The following DUSP18 variants were observed in gnomAD, a reference collection of about 807,000 sequenced individuals.
DUSP18 encodes the protein dual specificity phosphatase 18, also known as dual specificity protein phosphatase 18.
In DUSP18, 4 loss-of-function variants were observed where a neutral mutation model predicts 6.3. That is an observed-to-expected ratio of 0.63 (90% CI 0.31 to 1.45). The LOEUF is 1.45. Among genes scored for constraint, DUSP18 ranks in the 40% most tolerant of loss-of-function variants. The pLI, the probability that DUSP18 is intolerant of heterozygous loss-of-function variation, is 0.07. For missense variants in DUSP18, 235 were observed against 247.7 expected (o/e 0.95, Z 0.34); for synonymous variants, 96 against 95.1 (o/e 1.01, Z -0.05).
At chr22:30,654,735 G>A in intron 2 of DUSP18, 5 of 286,152 alleles carry the variant, frequency 1.7e-5, no homozygotes, top group South Asian at 1.7e-4. Context: ...CCACCTTCCG[G>A]CCTGCTTAGC....
downstream of DUSP18, among the ~76,000 whole-genome samples, chr22:30,657,928 A>G (rs1217295325): frequency 6.8e-6 from 1 of 146,248 alleles, no homozygotes; most frequent in African/African-American, 2.5e-5. Context: ...TAATAATAAT[A>G]ATAATAATAA....
chr22:30,652,648 C>CA (rs1224343274), intron 2 of DUSP18, among the ~76,000 whole-genome samples: 2 of 152,200 alleles, frequency 1.3e-5, no homozygotes, highest in African/African-American at 4.8e-5. Context: ...GATTTACATT[C>CA]AAAATGGGGC....
chr22:30,654,578 CT>C, intron 2 of DUSP18: 1 of 458,502 alleles, frequency 2.2e-6, no homozygotes, highest in Admixed American at 2.4e-5. Flanking sequence ...GAAGATGCGG[CT>C]GGGGACCCGG....
chr22:30,663,891 T>C lies in DUSP18; in HGVS notation c.113A>G (p.Lys38Arg). 1 of 1,614,140 alleles carries C rather than the reference T, an allele frequency of 6.2e-7. No homozygotes were observed. Among genetic ancestry groups the C allele is most frequent in the Middle Eastern group, 1.6e-4 (1 of 6,062 alleles). ...YISNGVAANN[K>R]LMLSSNQITM... ...GATCTGGTTGCTAGACAGCATGAGCTTGTTGTTGGCGGCCACACCATTGCT... is the reference window on the plus strand; with the variant it reads ...GATCTGGTTGCTAGACAGCATGAGCCTGTTGTTGGCGGCCACACCATTGCT... Residue 38 changes from lysine to arginine, a missense_variant, in exon 2 of 2, where the codon AAG becomes AGG. Coordinates refer to ENST00000334679, the MANE Select transcript of DUSP18 (RefSeq NM_152511.5).
intron 2 of DUSP18, among the ~76,000 whole-genome samples, chr22:30,653,623 C>G (rs1297342367): frequency 1.3e-5 from 2 of 152,046 alleles, no homozygotes; most frequent in South Asian, 4.1e-4. Context: ...CCCGCCCCCC[C>G]TCGGCCTCCC....
chr22:30,654,720 G>C (rs890705452), intron 2 of DUSP18: 11 of 338,584 alleles, frequency 3.2e-5, no homozygotes, highest in Non-Finnish European at 6.3e-5. Flanking sequence ...CGCAGTGTAC[G>C]ACCACCACCT....
chr22:30,653,437 T>C (rs2088266240), intron 2 of DUSP18, among the ~76,000 whole-genome samples: 1 of 151,528 alleles, frequency 6.6e-6, no homozygotes, highest in Non-Finnish European at 1.5e-5. Context: ...AGTGGTGCGA[T>C]CTCGGCTCAC....
At chr22:30,664,194 A>C in intron 1 of DUSP18, 114 bp from the exon 2 acceptor site, 1 of 606,470 alleles carries the variant, frequency 1.6e-6, no homozygotes, top group African/African-American at 1.9e-5. Flanking sequence ...TCCTCTGACC[A>C]TCACAGCAGA....
downstream of DUSP18, among the ~76,000 whole-genome samples, chr22:30,656,577 G>A (rs1225671684): frequency 6.6e-6 from 1 of 152,186 alleles, no homozygotes; most frequent in Non-Finnish European, 1.5e-5. Context: ...TCTAAGCCAG[G>A]CTGGTAGGCT....
chr22:30,652,376 C>G lies in DUSP18; in HGVS notation c.*34-79G>C, dbSNP rs998146786. 1.6e-4 allele frequency: 24 copies of G among 152,212 alleles called. 4 individuals are homozygous for G. Among genetic ancestry groups the G allele is most frequent in the Admixed American group, 1.4e-3 (22 of 15,276 alleles). The allele number at this position is 152,212 out of a possible 1,614,324, so 9.4% of individuals were successfully genotyped here. Reference sequence around the variant, plus strand: ...CTTGCAGCCTCCAGCTGCATGACTCCTAAGCCATAATTTCTAATCTTGTGG... The same window carrying G: ...CTTGCAGCCTCCAGCTGCATGACTCGTAAGCCATAATTTCTAATCTTGTGG... On this transcript the variant is annotated intron_variant, in intron 2 of 2. Coordinates refer to the DUSP18 transcript ENST00000404885.
At chr22:30,658,898 A>G (rs901585829), downstream of DUSP18, among the ~76,000 whole-genome samples, 7 of 152,110 alleles carry the variant, frequency 4.6e-5, no homozygotes, top group African/African-American at 1.7e-4. Flanking sequence ...TAATCCCAGC[A>G]CTTTGGGAGG....
In DUSP18 at chr22:30,663,302, C is replaced by CT. The variant is rs1279780622; in HGVS notation, c.*134dup. On this transcript the variant is annotated 3_prime_UTR_variant, in exon 2 of 2. Transcript: ENST00000334679. Reference sequence around the variant, plus strand: ...TATAAAGTTAAAAGCTACAGCAACTCTTTTTTGTGCTCATAAAAGGCATCA... The same window carrying CT: ...TATAAAGTTAAAAGCTACAGCAACTCTTTTTTTGTGCTCATAAAAGGCATCA... 2.5e-5 allele frequency: 21 copies of CT among 852,386 alleles called. No individual in the cohort carries two copies. In the Admixed American group the frequency reaches 3.5e-4, roughly 14 times the overall value. The allele number at this position is 852,386 out of a possible 1,614,324, so 52.8% of individuals were successfully genotyped here. A position where few individuals can be genotyped will look rare whatever the true frequency, so the allele number is the denominator to read the frequency against.
downstream of DUSP18, chr22:30,661,403 A>T (rs2088461675): frequency 6.6e-6 from 1 of 151,330 alleles, no homozygotes; most frequent in East Asian, 1.9e-4. Flanking sequence ...ATAATCCAAA[A>T]TATTTCTGGT....
At position 30,654,939 on chromosome 22, in the gene DUSP18, C is replaced by G. The variant is rs987592753; in HGVS notation, c.*34-2642G>C. The G allele has an allele frequency of 1.8e-5, 3 of 166,662 alleles. No homozygotes were observed. In the Admixed American group the frequency reaches 1.9e-4, roughly 10 times the overall value. 10.3% of individuals were successfully genotyped at this position (166,662 alleles called of 1,614,324 possible). A position where few individuals can be genotyped will look rare whatever the true frequency, so the allele number is the denominator to read the frequency against. ...GGAACCCTGTTTGAAAACCACAGAT[C>G]TAGTTCAATCCTCGTTGTCCATATG... is the stretch of plus-strand genomic sequence containing the variant. On this transcript the variant is annotated intron_variant, in intron 2 of 2. Transcript: ENST00000404885.
In DUSP18 at chr22:30,667,516, G is replaced by A. The variant is rs2088722022; in HGVS notation, c.-132C>T. On this transcript the variant is annotated 5_prime_UTR_variant, in exon 1 of 2. Coordinates refer to ENST00000334679, the MANE Select transcript of DUSP18 (RefSeq NM_152511.5). ...GCTCAGGAAGTAGCCGCTTGGGGAA[G>A]CCTTAGGCAAGGTTCTTCGGGAGAG... The A allele has an allele frequency of 1.3e-5, 2 of 152,276 alleles. No individual in the cohort carries two copies. Among genetic ancestry groups the A allele is most frequent in the Non-Finnish European group, 2.9e-5 (2 of 68,076 alleles). 9.4% of individuals were successfully genotyped at this position (152,276 alleles called of 1,614,324 possible).
rs1017575210 is a variant in DUSP18, at chr22:30,663,193, C to T, written c.*244G>A. 1 of 489,670 alleles carries T rather than the reference C, an allele frequency of 2.0e-6. No individual in the cohort carries two copies. The highest frequency in any genetic ancestry group is 3.6e-6 in the Non-Finnish European group (1 of 274,030). 30.3% of individuals were successfully genotyped at this position (489,670 alleles called of 1,614,324 possible). On this transcript the variant is annotated 3_prime_UTR_variant, in exon 2 of 2. Coordinates refer to ENST00000334679, the MANE Select transcript of DUSP18 (RefSeq NM_152511.5). Reference sequence around the variant, plus strand: ...TTCTTCTGGGCACCATCTGCCTCAACCTATCCCCTGGCCAGTGTCACTCAC... The same window carrying T: ...TTCTTCTGGGCACCATCTGCCTCAATCTATCCCCTGGCCAGTGTCACTCAC...
At chr22:30,655,608 C>T (rs2088325461) in intron 2 of DUSP18, among the ~76,000 whole-genome samples, 1 of 151,868 alleles carries the variant, frequency 6.6e-6, no homozygotes. Flanking sequence ...CCTTCCATAC[C>T]CAGGAACTAG....
chr22:30,666,397 G>A (rs574794881), intron 1 of DUSP18, among the ~76,000 whole-genome samples: 5 of 152,130 alleles, frequency 3.3e-5, no homozygotes, highest in African/African-American at 4.8e-5. Context: ...GAGGCGGGCA[G>A]ATCACCTGAG....
At chr22:30,658,882 C>T (rs1472152308), downstream of DUSP18, among the ~76,000 whole-genome samples, 1 of 152,022 alleles carries the variant, frequency 6.6e-6, no homozygotes, top group Non-Finnish European at 1.5e-5. Flanking sequence ...CGGTGGCTCA[C>T]GCCTGTAATC....
Sources: gnomAD v4.1 joint callset for allele counts (sites outside exome capture counted in the v4.1 genomes callset) on GRCh38, gnomAD v4.1.1 for gene constraint, MANE v1.5 for transcripts, NCBI Gene and HGNC (gene_info 2026-07-23, HGNC 2026-07-21) for gene names.